Variants in SLC4A10 observed in about 807,000 individuals in gnomAD.
SLC4A10 encodes solute carrier family 4 member 10.
SLC4A10 carries 42 observed loss-of-function variants against 137.7 expected under a neutral mutation model. The ratio of observed to expected loss-of-function variants is 0.30; its 90% CI spans 0.24 to 0.39. The LOEUF is 0.39. Ranked by LOEUF, SLC4A10 falls within the 10% of genes least tolerant of loss-of-function variation. The probability of loss-of-function intolerance (pLI) is 1.00; values close to 1 mark genes in which losing one functional copy is unlikely to be tolerated. For synonymous variants in SLC4A10, 474 were observed against 464.1 expected (o/e 1.02, Z -0.27); for missense variants, 925 against 1,355.0 (o/e 0.68, Z 4.98).
At chr2:161,912,995 T>G (rs758967762) in intron 15 of SLC4A10, among the ~76,000 whole-genome samples, 3 of 152,164 alleles carry the variant, frequency 2.0e-5, no homozygotes, top group Non-Finnish European at 2.9e-5. Flanking sequence ...ACATCATCCT[T>G]GAGTAAATCT....
intron 1 of SLC4A10, among the ~76,000 whole-genome samples, chr2:161,756,724 T>C (rs79847321): frequency 0.019 from 2,835 of 152,248 alleles, 58 homozygotes; most frequent in African/African-American, 0.054. Flanking sequence ...GGGTCATCAC[T>C]ATTTCTCTTC....
chr2:161,739,411 C>G (rs1211162069), intron 1 of SLC4A10, among the ~76,000 whole-genome samples: 1 of 152,142 alleles, frequency 6.6e-6, no homozygotes, highest in Non-Finnish European at 1.5e-5. Flanking sequence ...AACTACTACT[C>G]TAGGAGGAGA....
intron 3 of SLC4A10, among the ~76,000 whole-genome samples, chr2:161,810,706 G>C (rs959274768): frequency 6.6e-6 from 1 of 151,954 alleles, no homozygotes; most frequent in South Asian, 2.1e-4. Flanking sequence ...TTGCATTCCA[G>C]GAATGAAGCC....
At chr2:161,733,373 C>A (rs2125195423) in intron 1 of SLC4A10, among the ~76,000 whole-genome samples, 1 of 152,344 alleles carries the variant, frequency 6.6e-6, no homozygotes, top group Middle Eastern at 3.4e-3. Flanking sequence ...GCCATGGCTT[C>A]AGATGGTGCA....
chr2:161,971,852 A>G (rs1015379016), intron 23 of SLC4A10, among the ~76,000 whole-genome samples: 2 of 152,242 alleles, frequency 1.3e-5, no homozygotes, highest in African/African-American at 4.8e-5. Flanking sequence ...TTGTTTGGAT[A>G]GAATTATGAC....
chr2:161,896,169 G>A (rs2105241436), intron 11 of SLC4A10, among the ~76,000 whole-genome samples: 1 of 152,110 alleles, frequency 6.6e-6, no homozygotes, highest in East Asian at 1.9e-4. Context: ...ATTAAATAGG[G>A]AATCCTTTCC....
chr2:161,879,361 G>GTC, intron 9 of SLC4A10, 73 bp downstream of exon 9: 1 of 1,407,278 alleles, frequency 7.1e-7, no homozygotes, highest in Non-Finnish European at 9.6e-7. Flanking sequence ...AGGATTCAAT[G>GTC]TAATTTTCTG....
intron 19 of SLC4A10, among the ~76,000 whole-genome samples, chr2:161,954,675 C>T (rs1480532528): frequency 1.3e-5 from 2 of 152,062 alleles, no homozygotes; most frequent in African/African-American, 2.4e-5. Flanking sequence ...CTTTGGTTTA[C>T]ATTAAATCAA....
At chr2:161,631,268 C>T (rs183452149) in intron 1 of SLC4A10, among the ~76,000 whole-genome samples, 40 of 151,754 alleles carry the variant, frequency 2.6e-4, no homozygotes, top group Non-Finnish European at 5.2e-4. Flanking sequence ...ATGAATTGCA[C>T]ACTGTAAAAT....
chr2:161,662,887 G>A (rs926069265), intron 1 of SLC4A10, among the ~76,000 whole-genome samples: 1 of 152,204 alleles, frequency 6.6e-6, no homozygotes, highest in Non-Finnish European at 1.5e-5. Flanking sequence ...ATTACTGCAA[G>A]AGTAACTGGT....
intron 3 of SLC4A10, among the ~76,000 whole-genome samples, chr2:161,838,777 A>G (rs543608163): frequency 6.6e-6 from 1 of 152,320 alleles, no homozygotes; most frequent in South Asian, 2.1e-4. Context: ...ATGAAATACC[A>G]CTACATAGAA....
chr2:161,821,150 G>A (rs2057585585), intron 3 of SLC4A10, among the ~76,000 whole-genome samples: 1 of 152,106 alleles, frequency 6.6e-6, no homozygotes, highest in African/African-American at 2.4e-5. Flanking sequence ...TTCTTTACAT[G>A]TTATGGAAAT....
intron 4 of SLC4A10, among the ~76,000 whole-genome samples, chr2:161,850,866 C>G (rs909154898): frequency 6.6e-6 from 1 of 152,076 alleles, no homozygotes. Flanking sequence ...AAACTTTCCT[C>G]TCAACACTGC....
chr2:161,627,813 A>C (rs2032737560), intron 1 of SLC4A10, among the ~76,000 whole-genome samples: 1 of 152,102 alleles, frequency 6.6e-6, no homozygotes, highest in African/African-American at 2.4e-5. Context: ...AGTGTGTCAG[A>C]AAGATGTGTT....
At chr2:161,860,871 G>T (rs1350568273) in intron 5 of SLC4A10, among the ~76,000 whole-genome samples, 1 of 152,126 alleles carries the variant, frequency 6.6e-6, no homozygotes, top group Non-Finnish European at 1.5e-5. Flanking sequence ...ATTTTGTAGG[G>T]CATTTGAGCT....
rs895151269 is a variant in SLC4A10, at chr2:161,924,522, T to C, written c.1998-18270T>C. Among the ~76,000 whole-genome samples, 11 of 152,204 alleles carry C rather than the reference T, an allele frequency of 7.2e-5. No individual in the cohort carries two copies. The East Asian group carries it at 7.7e-4, about 11-fold the overall frequency. Reference sequence around the variant, plus strand: ...TATAAATACAAATAAATCTTTAACTTATTTATTTTTAAATTTGAATTTATT... The same window carrying C: ...TATAAATACAAATAAATCTTTAACTCATTTATTTTTAAATTTGAATTTATT... On this transcript the variant is annotated intron_variant, in intron 15 of 26. Coordinates refer to ENST00000446997, the MANE Select transcript of SLC4A10 (RefSeq NM_001178015.2).
At chr2:161,680,674 A>G (rs1393923729) in intron 1 of SLC4A10, among the ~76,000 whole-genome samples, 20 of 152,116 alleles carry the variant, frequency 1.3e-4, no homozygotes, top group Admixed American at 1.3e-3. Context: ...TATTTGATTT[A>G]TTATTTATTG....
chr2:161,755,098 CA>C (rs1309936062), intron 1 of SLC4A10, among the ~76,000 whole-genome samples: 3 of 151,766 alleles, frequency 2.0e-5, no homozygotes, highest in Non-Finnish European at 2.9e-5. Context: ...CTGACTCATA[CA>C]AAAAAAATAA....
Position 161,947,638 on chromosome 2 carries a change from C to A in SLC4A10, c.2176C>A (p.Leu726Ile). 1.2e-6 allele frequency: 2 copies of A among 1,613,322 alleles called. No individual in the cohort carries two copies. Among genetic ancestry groups the A allele is most frequent in the Non-Finnish European group, 1.7e-6 (2 of 1,179,428 alleles). ...TGATCACCCATATGTTCCAGATGTT[C>A]TATTTTGGTCTGTGATCCTGTTCTT... ...GHDHPYVPDV[L>I]FWSVILFFST... The change falls in exon 17 of 27, where the codon CTA (leucine) becomes ATA (isoleucine). Residue 726 changes from leucine (L) to isoleucine (I), a missense_variant. This residue lies in a region of SLC4A10 where 82 missense variants were observed against 151.4 expected (regional missense o/e 0.54). Transcript: ENST00000446997.
Sources: allele counts gnomAD v4.1 joint callset (sites outside exome capture counted in the v4.1 genomes callset), GRCh38; gene constraint gnomAD v4.1.1; regional missense constraint gnomAD v4.1.1; transcripts MANE v1.5; gene names NCBI Gene and HGNC (gene_info 2026-07-23, HGNC 2026-07-21).